Variants in RBFOX1 observed in about 807,000 individuals in gnomAD.
The protein encoded by RBFOX1 is RNA binding fox-1 homolog 1, also known as RNA binding protein fox-1 homolog 1.
RBFOX1 carries 8 observed loss-of-function variants against 57.7 expected under a neutral mutation model. That is an observed-to-expected ratio of 0.14 (90% confidence interval 0.08 to 0.25). The LOEUF is 0.25. Ranked by LOEUF, RBFOX1 falls within the 10% of genes least tolerant of loss-of-function variation. The pLI, the probability that RBFOX1 is intolerant of heterozygous loss-of-function variation, is 1.00. For missense variants in RBFOX1, 611 were observed against 548.5 expected (o/e 1.11, Z -1.14); for synonymous variants, 326 against 222.4 (o/e 1.47, Z -4.15).
intron 4 of RBFOX1, among the ~76,000 whole-genome samples, chr16:7,258,971 T>C (rs1056003172): frequency 2.0e-5 from 3 of 152,208 alleles, no homozygotes; most frequent in Admixed American, 1.3e-4. Context: ...CTATGACATA[T>C]TGCATACCTT....
intron 3 of RBFOX1, chr16:7,004,148 C>G (rs918376632): frequency 6.6e-6 from 1 of 151,954 alleles, no homozygotes; most frequent in Admixed American, 6.6e-5. Flanking sequence ...AATAGAGCAT[C>G]TTTTTAAATC....
At chr16:7,213,805 G>T (rs546918869) in intron 4 of RBFOX1, among the ~76,000 whole-genome samples, 2 of 152,284 alleles carry the variant, frequency 1.3e-5, no homozygotes, top group African/African-American at 2.4e-5. Flanking sequence ...GTCAAAGCCA[G>T]TTATTCTTAA....
chr16:7,285,457 G>A (rs2095631861), intron 4 of RBFOX1, among the ~76,000 whole-genome samples: 1 of 151,450 alleles, frequency 6.6e-6, no homozygotes, highest in Non-Finnish European at 1.5e-5. Flanking sequence ...CGCACATGTA[G>A]GTCTGTGCAT....
intron 3 of RBFOX1, among the ~76,000 whole-genome samples, chr16:6,716,318 G>A (rs902663001): frequency 1.3e-5 from 2 of 152,132 alleles, no homozygotes; most frequent in Admixed American, 6.6e-5. Context: ...CTTCTGTGGG[G>A]TATTTTCCAT....
At chr16:7,253,451 C>G (rs1343076464) in intron 4 of RBFOX1, among the ~76,000 whole-genome samples, 1 of 152,122 alleles carries the variant, frequency 6.6e-6, no homozygotes, top group Admixed American at 6.5e-5. Context: ...AGTCTGAGTT[C>G]CCAACGAGAC....
chr16:7,597,057 A>G (rs1394838055), intron 8 of RBFOX1, among the ~76,000 whole-genome samples: 1 of 152,176 alleles, frequency 6.6e-6, no homozygotes, highest in Non-Finnish European at 1.5e-5. Context: ...CTGTGTTACC[A>G]TGGAGTACAC....
At chr16:6,839,175 G>C (rs544747125) in intron 3 of RBFOX1, among the ~76,000 whole-genome samples, 4 of 145,970 alleles carry the variant, frequency 2.7e-5, no homozygotes, top group South Asian at 4.3e-4. Context: ...TGTAGAGACA[G>C]GGTTTCACCA....
intron 10 of RBFOX1, among the ~76,000 whole-genome samples, chr16:7,612,579 A>G (rs924489358): frequency 2.6e-5 from 4 of 151,780 alleles, no homozygotes; most frequent in African/African-American, 9.7e-5. Context: ...TTTCTCTGTC[A>G]TTGTGAGAAT....
At chr16:6,889,622 C>A (rs552040575) in intron 3 of RBFOX1, among the ~76,000 whole-genome samples, 1 of 152,250 alleles carries the variant, frequency 6.6e-6, no homozygotes, top group East Asian at 1.9e-4. Context: ...GGGAAGAGTG[C>A]CAATCCATAT....
intron 1 of RBFOX1, among the ~76,000 whole-genome samples, chr16:5,467,034 A>G (rs1283132478): frequency 6.6e-6 from 1 of 152,150 alleles, no homozygotes; most frequent in East Asian, 1.9e-4. Flanking sequence ...GTTTGTTGTC[A>G]AAAACAGAGC....
chr16:5,633,373 G>C (rs2048581500), intron 3 of RBFOX1, among the ~76,000 whole-genome samples: 1 of 152,158 alleles, frequency 6.6e-6, no homozygotes, highest in Non-Finnish European at 1.5e-5. Flanking sequence ...AATAGTTTTA[G>C]GGTTACAGGT....
At chr16:7,173,926 C>A (rs2081189484) in intron 4 of RBFOX1, among the ~76,000 whole-genome samples, 1 of 152,130 alleles carries the variant, frequency 6.6e-6, no homozygotes, top group African/African-American at 2.4e-5. Flanking sequence ...AAAACGTATC[C>A]CACCCTGGGT....
chr16:5,936,026 C>A (rs1328262384), intron 4 of RBFOX1, among the ~76,000 whole-genome samples: 2 of 140,252 alleles, frequency 1.4e-5, no homozygotes, highest in African/African-American at 5.1e-5. Context: ...TTCAACTGAT[C>A]TGAACCCATT....
At chr16:6,935,342 C>T (rs2077189914) in intron 3 of RBFOX1, among the ~76,000 whole-genome samples, 1 of 152,096 alleles carries the variant, frequency 6.6e-6, no homozygotes, top group African/African-American at 2.4e-5. Context: ...TAAAGTAGAG[C>T]CTCATCTCCC....
At chr16:6,806,956 C>A (rs997429707) in intron 3 of RBFOX1, among the ~76,000 whole-genome samples, 1 of 150,672 alleles carries the variant, frequency 6.6e-6, no homozygotes, top group African/African-American at 2.4e-5. Context: ...GCCTCAGCCT[C>A]CTAAGTAGCT....
chr16:7,416,486 C>T (rs976924112), intron 4 of RBFOX1, among the ~76,000 whole-genome samples: 1 of 152,170 alleles, frequency 6.6e-6, no homozygotes, highest in Non-Finnish European at 1.5e-5. Flanking sequence ...AAAGTGGGTA[C>T]ATGGTGTGCT....
intron 1 of RBFOX1, among the ~76,000 whole-genome samples, chr16:5,466,055 A>G (rs1256815605): frequency 6.6e-6 from 1 of 152,192 alleles, no homozygotes; most frequent in Non-Finnish European, 1.5e-5. Flanking sequence ...GGGGACCCTG[A>G]AAGGTCTGAC....
At chr16:6,756,069 T>A (rs760024539) in intron 3 of RBFOX1, among the ~76,000 whole-genome samples, 3 of 152,144 alleles carry the variant, frequency 2.0e-5, no homozygotes, top group Non-Finnish European at 4.4e-5. Context: ...GTGACCACAT[T>A]GGCAGCAAAA....
At chr16:6,543,497 C>T (rs2096853084) in intron 2 of RBFOX1, among the ~76,000 whole-genome samples, 1 of 152,158 alleles carries the variant, frequency 6.6e-6, no homozygotes, top group African/African-American at 2.4e-5. Flanking sequence ...CCCACTTGTT[C>T]CCTCTCTGAG....
Sources: gnomAD v4.1 joint callset for allele counts (sites outside exome capture counted in the v4.1 genomes callset) on GRCh38, gnomAD v4.1.1 for gene constraint, MANE v1.5 for transcripts, NCBI Gene and HGNC (gene_info 2026-07-23, HGNC 2026-07-21) for gene names.